BICC1: variants seen among roughly 807,000 people sequenced by gnomAD.
The protein encoded by BICC1 is BicC family RNA binding protein 1, also known as protein bicaudal C homolog 1.
BICC1 carries 43 observed loss-of-function variants against 111.0 expected under a neutral mutation model. The observed-to-expected ratio is 0.39, with a 90% CI of 0.30 to 0.50. The LOEUF is 0.50. BICC1 is among the 20% of genes least tolerant of loss of function. The pLI is 0.88. For missense variants in BICC1, 1,091 were observed against 1,203.2 expected (o/e 0.91, Z 1.38); for synonymous variants, 467 against 434.4 (o/e 1.07, Z -0.93).
At chr10:58,710,675 G>A (rs558379043) in intron 3 of BICC1, among the ~76,000 whole-genome samples, 1 of 152,216 alleles carries the variant, frequency 6.6e-6, no homozygotes, top group South Asian at 2.1e-4. Context: ...AATTTGGAAG[G>A]AAAATAAACC....
At chr10:58,689,845 G>A (rs2132404465) in intron 2 of BICC1, among the ~76,000 whole-genome samples, 1 of 152,280 alleles carries the variant, frequency 6.6e-6, no homozygotes, top group South Asian at 2.1e-4. Context: ...GCCGAAATTG[G>A]TCAGATGGGT....
chr10:58,586,741 A>G (rs888432441), intron 1 of BICC1, among the ~76,000 whole-genome samples: 3 of 152,226 alleles, frequency 2.0e-5, no homozygotes, highest in Admixed American at 6.5e-5. Flanking sequence ...GCAAATGAAT[A>G]TATGTATACA....
At chr10:58,538,190 C>T (rs1842872212) in intron 1 of BICC1, among the ~76,000 whole-genome samples, 1 of 151,800 alleles carries the variant, frequency 6.6e-6, no homozygotes, top group African/African-American at 2.4e-5. Flanking sequence ...AAGAACAAAT[C>T]TGAAGGTGAC....
At chr10:58,791,946 C>A (rs759599987) in intron 8 of BICC1, among the ~76,000 whole-genome samples, 16 of 152,086 alleles carry the variant, frequency 1.1e-4, no homozygotes, top group Non-Finnish European at 2.2e-4. Flanking sequence ...CATATGCCAC[C>A]ATGCCTGGCT....
intron 1 of BICC1, among the ~76,000 whole-genome samples, chr10:58,582,698 C>T (rs2132015554): frequency 6.6e-6 from 1 of 152,284 alleles, no homozygotes; most frequent in African/African-American, 2.4e-5. Flanking sequence ...CTTCTAGAAG[C>T]CCTGGGGGAG....
intron 1 of BICC1, among the ~76,000 whole-genome samples, chr10:58,567,104 C>T (rs1046909949): frequency 1.3e-5 from 2 of 152,144 alleles, no homozygotes; most frequent in Non-Finnish European, 2.9e-5. Context: ...TCATAATTCA[C>T]GTGCATAGTG....
chr10:58,694,456 A>C (rs1564558653), intron 2 of BICC1, among the ~76,000 whole-genome samples: 1 of 152,214 alleles, frequency 6.6e-6, no homozygotes, highest in Non-Finnish European at 1.5e-5. Flanking sequence ...AACAACTCAC[A>C]GTTTGTGTAT....
At chr10:58,576,475 T>C (rs899519978) in intron 1 of BICC1, among the ~76,000 whole-genome samples, 7 of 152,208 alleles carry the variant, frequency 4.6e-5, no homozygotes, top group African/African-American at 1.7e-4. Context: ...ACGGTTCATG[T>C]ACAAGCAAGG....
At chr10:58,549,510 T>G (rs1250780467) in intron 1 of BICC1, among the ~76,000 whole-genome samples, 1 of 152,136 alleles carries the variant, frequency 6.6e-6, no homozygotes, top group African/African-American at 2.4e-5. Context: ...TCTAGTAGTA[T>G]CTCATCATTT....
At chr10:58,732,318 GGAGA>G (rs1337371228) in intron 3 of BICC1, among the ~76,000 whole-genome samples, 9 of 143,382 alleles carry the variant, frequency 6.3e-5, no homozygotes, top group African/African-American at 2.1e-4. Context: ...GAGGAGAAGA[GGAGA>G]GAGAGAGAGA....
chr10:58,656,118 T>C (rs944235405), intron 2 of BICC1, among the ~76,000 whole-genome samples: 13 of 152,086 alleles, frequency 8.5e-5, no homozygotes, highest in Non-Finnish European at 2.9e-5. Context: ...ATAAATTCCT[T>C]GACACATACA....
intron 20 of BICC1, among the ~76,000 whole-genome samples, chr10:58,821,699 TA>T (rs1844255571): frequency 6.6e-6 from 1 of 152,156 alleles, no homozygotes; most frequent in Non-Finnish European, 1.5e-5. Flanking sequence ...GAGGCTCTAT[TA>T]ATGGAACTCC....
chr10:58,542,150 CAAAAAAAAAAAA>C (rs149049552), intron 1 of BICC1, among the ~76,000 whole-genome samples: 1 of 82,366 alleles, frequency 1.2e-5, no homozygotes, highest in Non-Finnish European at 2.2e-5. Flanking sequence ...GACCCTGTCT[CAAAAAAAAAAAA>C]AAAACAAAAA....
At chr10:58,596,034 C>T (rs940728260) in intron 1 of BICC1, among the ~76,000 whole-genome samples, 1 of 152,050 alleles carries the variant, frequency 6.6e-6, no homozygotes, top group African/African-American at 2.4e-5. Context: ...GGATATCACC[C>T]CTGATCCCAC....
chr10:58,759,681 C>T (rs938896405), intron 3 of BICC1, among the ~76,000 whole-genome samples: 2 of 152,110 alleles, frequency 1.3e-5, no homozygotes, highest in African/African-American at 2.4e-5. Flanking sequence ...GAGAGCAGGC[C>T]TGGCGCGGTG....
chr10:58,587,491 A>G (rs913863962), intron 1 of BICC1, among the ~76,000 whole-genome samples: 2 of 152,240 alleles, frequency 1.3e-5, no homozygotes, highest in South Asian at 4.1e-4. Context: ...AATCTTTAGC[A>G]TAATAAAGCT....
intron 1 of BICC1, among the ~76,000 whole-genome samples, chr10:58,530,166 G>A (rs1842642300): frequency 6.6e-6 from 1 of 151,788 alleles, no homozygotes; most frequent in Admixed American, 6.6e-5. Context: ...ATCACGTAGA[G>A]TAAGGCCCTG....
intron 1 of BICC1, among the ~76,000 whole-genome samples, chr10:58,515,370 C>A (rs183187073): frequency 6.6e-6 from 1 of 152,102 alleles, no homozygotes; most frequent in Non-Finnish European, 1.5e-5. Flanking sequence ...GGTTGTGTAG[C>A]CTGCTACACC....
At chr10:58,517,212 AT>A (rs1222011532) in intron 1 of BICC1, among the ~76,000 whole-genome samples, 3 of 152,126 alleles carry the variant, frequency 2.0e-5, no homozygotes, top group African/African-American at 7.2e-5. Context: ...GGAATGGCCT[AT>A]TTTCATGAAA....
Sources: allele counts gnomAD v4.1 joint callset (sites outside exome capture counted in the v4.1 genomes callset), GRCh38; gene constraint gnomAD v4.1.1; transcripts MANE v1.5; gene names NCBI Gene and HGNC (gene_info 2026-07-23, HGNC 2026-07-21).